SLC25A12: variants seen among roughly 807,000 people sequenced by gnomAD.
The protein encoded by SLC25A12 is solute carrier family 25 member 12, also known as electrogenic aspartate/glutamate antiporter SLC25A12, mitochondrial.
In SLC25A12, 32 loss-of-function variants were observed where a neutral mutation model predicts 83.3. The ratio of observed to expected loss-of-function variants is 0.38; its 90% CI spans 0.29 to 0.52. The LOEUF (loss-of-function observed/expected upper bound fraction) is 0.52. SLC25A12 is among the 20% of genes least tolerant of loss of function. The pLI, the probability that SLC25A12 is intolerant of heterozygous loss-of-function variation, is 0.84. For missense variants in SLC25A12, 611 were observed against 835.6 expected, an observed-to-expected ratio of 0.73 and a Z score of 3.31; for synonymous variants, 267 against 291.1, an observed-to-expected ratio of 0.92 and a Z score of 0.84.
At chr2:171,866,041 A>T in intron 3 of SLC25A12, among the ~76,000 whole-genome samples, 1 of 134,368 alleles carries the variant, frequency 7.4e-6, no homozygotes, top group Non-Finnish European at 1.6e-5. Context: ...AGTGGTGATG[A>T]CTCTTAACGA....
In SLC25A12 at chr2:171,785,150, C is replaced by T. The variant is rs13035825; in HGVS notation, c.*124G>A. The T allele has an allele frequency of 0.015, 13,051 of 848,750 alleles. 139 individuals are homozygous for T. Among genetic ancestry groups the T allele is most frequent in the Non-Finnish European group, 0.019 (9,399 of 507,482 alleles). 52.6% of individuals were successfully genotyped at this position (848,750 alleles called of 1,614,324 possible). A position where few individuals can be genotyped will look rare whatever the true frequency, so the allele number is the denominator to read the frequency against. On this transcript the variant is annotated 3_prime_UTR_variant, in exon 18 of 18. Transcript: ENST00000422440. Reference sequence around the variant, plus strand: ...TAAACAAGTATATGTATATGTCATACAGAAAGAAGAGTTTGACTCCTCAGC... The same window carrying T: ...TAAACAAGTATATGTATATGTCATATAGAAAGAAGAGTTTGACTCCTCAGC...
At chr2:171,862,756 T>C (rs1685190868) in intron 3 of SLC25A12, among the ~76,000 whole-genome samples, 1 of 152,178 alleles carries the variant, frequency 6.6e-6, no homozygotes, top group Admixed American at 6.5e-5. Context: ...AACATATCTA[T>C]AGGACTCATC....
chr2:171,828,364 C>T, intron 8 of SLC25A12, among the ~76,000 whole-genome samples: 1 of 152,326 alleles, frequency 6.6e-6, no homozygotes, highest in Middle Eastern at 3.4e-3. Flanking sequence ...TCAACTTAAG[C>T]CCTCTTTTCT....
intron 8 of SLC25A12, among the ~76,000 whole-genome samples, chr2:171,831,786 C>T (rs1684436961): frequency 6.6e-6 from 1 of 151,944 alleles, no homozygotes. Flanking sequence ...GTAGTCCCAG[C>T]TACTCGGGAG....
Position 171,872,707 on chromosome 2 carries a change from G to A in SLC25A12, c.67-3884C>T, listed in dbSNP as rs544121827. Among the ~76,000 whole-genome samples, 3 of 152,324 alleles carry A rather than the reference G, an allele frequency of 2.0e-5. No individual in the cohort carries two copies. In the South Asian group the frequency reaches 6.2e-4, roughly 32 times the overall value. The stretch of plus-strand genomic sequence containing the variant: ...ACTGGTGGGATGGGGCCAGGGAATG[G>A]AGGGAGAAAGGCAACACTTGGAATG... On this transcript the variant is annotated intron_variant, in intron 2 of 17. Transcript: ENST00000422440.
At position 171,813,500 on chromosome 2, in the gene SLC25A12, A is replaced by C; in HGVS notation, c.1013-3T>G. On this transcript the variant is annotated splice_region_variant and splice_polypyrimidine_tract_variant and intron_variant, in intron 10 of 17. Coordinates refer to ENST00000422440, the MANE Select transcript of SLC25A12 (RefSeq NM_003705.5). ...ATACACTGCAGTGGCTCCCACAGCT[A>C]CAAACAGAACAATTTTTAGGCTTAA... 6.2e-7 allele frequency: 1 copy of C among 1,613,874 alleles called. No homozygotes were observed. Among genetic ancestry groups the C allele is most frequent in the African/African-American group, 1.3e-5 (1 of 75,042 alleles).
intron 3 of SLC25A12, among the ~76,000 whole-genome samples, chr2:171,866,592 C>A (rs1252401718): frequency 1.3e-5 from 1 of 74,468 alleles, no homozygotes; most frequent in East Asian, 4.6e-4. Flanking sequence ...GGGGGGCTGA[C>A]CCCCCCACCT....
chr2:171,829,242 C>G (rs1354698770), intron 8 of SLC25A12, among the ~76,000 whole-genome samples: 1 of 152,124 alleles, frequency 6.6e-6, no homozygotes, highest in Non-Finnish European at 1.5e-5. Flanking sequence ...ATTACAACAC[C>G]ATCCTGCAAT....
chr2:171,890,272 G>T (rs976298866), intron 2 of SLC25A12, among the ~76,000 whole-genome samples: 1 of 152,142 alleles, frequency 6.6e-6, no homozygotes, highest in African/African-American at 2.4e-5. Context: ...AGAAATACAC[G>T]GTTAGCATGT....
At chr2:171,808,734 C>T (rs942589038) in intron 13 of SLC25A12, among the ~76,000 whole-genome samples, 16 of 152,104 alleles carry the variant, frequency 1.1e-4, no homozygotes, top group Non-Finnish European at 1.9e-4. Flanking sequence ...TTTTAGGGTA[C>T]ATGTGCACAA....
chr2:171,805,340 A>G (rs1289269385), intron 13 of SLC25A12, among the ~76,000 whole-genome samples: 14 of 151,998 alleles, frequency 9.2e-5, no homozygotes, highest in Admixed American at 9.2e-4. Flanking sequence ...CGAACTCCTG[A>G]CCTCAGGTGA....
chr2:171,811,842 T>C (rs11681772), intron 11 of SLC25A12, among the ~76,000 whole-genome samples: 14 of 152,216 alleles, frequency 9.2e-5, no homozygotes, highest in Non-Finnish European at 1.9e-4. Flanking sequence ...AGGTTCCTTT[T>C]AATAGGGGAC....
intron 2 of SLC25A12, among the ~76,000 whole-genome samples, chr2:171,891,088 C>CGAGGTCA (rs998686763): frequency 2.0e-5 from 3 of 152,124 alleles, no homozygotes; most frequent in African/African-American, 7.2e-5. Flanking sequence ...ACACAGATCA[C>CGAGGTCA]GAGGTCAGGA....
intron 2 of SLC25A12, among the ~76,000 whole-genome samples, chr2:171,875,837 C>T (rs150854540): frequency 0.019 from 2,566 of 138,052 alleles, 84 homozygotes; most frequent in African/African-American, 0.065. Flanking sequence ...GGTGTTAACC[C>T]GGGCGGCGGA....
intron 9 of SLC25A12, among the ~76,000 whole-genome samples, chr2:171,821,710 T>G (rs1265598236): frequency 6.6e-6 from 1 of 152,234 alleles, no homozygotes; most frequent in Non-Finnish European, 1.5e-5. Context: ...TTGCACAAGT[T>G]TATTATACTA....
chr2:171,883,310 C>T (rs576540488), intron 2 of SLC25A12, among the ~76,000 whole-genome samples: 13 of 152,194 alleles, frequency 8.5e-5, no homozygotes, highest in Non-Finnish European at 1.9e-4. Flanking sequence ...TGCTAGGTGT[C>T]ATTATCCCTT....
intron 13 of SLC25A12, among the ~76,000 whole-genome samples, chr2:171,809,075 G>A (rs975272075): frequency 6.6e-6 from 1 of 152,200 alleles, no homozygotes; most frequent in Non-Finnish European, 1.5e-5. Context: ...TGGTGTATAT[G>A]TGCCAAATTT....
chr2:171,815,219 G>A lies in SLC25A12; in HGVS notation c.931-17C>T, dbSNP rs778420782. The A allele has an allele frequency of 1.9e-5, 30 of 1,595,056 alleles. No individual in the cohort carries two copies. The highest frequency in any genetic ancestry group is 2.3e-5 in the Non-Finnish European group (27 of 1,163,270). On this transcript the variant is annotated splice_polypyrimidine_tract_variant and intron_variant, in intron 9 of 17. Transcript: ENST00000422440. The stretch of plus-strand genomic sequence containing the variant: ...AGGAGACTGCTGCAGAGAAGAAAAC[G>A]GGTAAAAAAAAATCTTGAAAGCGCA...
intron 9 of SLC25A12, among the ~76,000 whole-genome samples, chr2:171,823,943 C>A (rs1319549821): frequency 3.4e-4 from 48 of 142,108 alleles, no homozygotes; most frequent in Non-Finnish European, 2.6e-4. Flanking sequence ...CCTGTCTCCA[C>A]AAAAAAAAAA....
Sources: allele counts gnomAD v4.1 joint callset (sites outside exome capture counted in the v4.1 genomes callset), GRCh38; gene constraint gnomAD v4.1.1; transcripts MANE v1.5; gene names NCBI Gene and HGNC (gene_info 2026-07-23, HGNC 2026-07-21).